The following PACS2 variants were observed in gnomAD, a reference collection of about 807,000 sequenced individuals.
The protein encoded by PACS2 is phosphofurin acidic cluster sorting protein 2, also known as PACS1-like protein.
In PACS2, 36 loss-of-function variants were observed where a neutral mutation model predicts 113.0. The ratio of observed to expected loss-of-function variants is 0.32; its 90% CI spans 0.24 to 0.42. PACS2 has a LOEUF of 0.42. PACS2 is among the 10% of genes least tolerant of loss of function. PACS2 has a pLI of 1.00. For synonymous variants in PACS2, 589 were observed against 536.1 expected (o/e 1.10, Z -1.36); for missense variants, 1,015 against 1,239.5 (o/e 0.82, Z 2.72).
chr14:105,304,994 C>T (rs1233987251), intron 1 of PACS2, among the ~76,000 whole-genome samples: 1 of 152,226 alleles, frequency 6.6e-6, no homozygotes, highest in Non-Finnish European at 1.5e-5. Context: ...GTGTGTTCCC[C>T]CAAAGTCCAT....
At chr14:105,389,821 GGGCAGGGCTGTCC>G in intron 19 of PACS2, 127 bp from the exon 20 acceptor site, 1 of 782,390 alleles carries the variant, frequency 1.3e-6, no homozygotes, top group Non-Finnish European at 2.3e-6. Flanking sequence ...GGGACACACA[GGGCAGGGCTGTCC>G]GGCAGGGCCA....
At chr14:105,344,453 A>G (rs1457652057) in intron 1 of PACS2, among the ~76,000 whole-genome samples, 1 of 152,154 alleles carries the variant, frequency 6.6e-6, no homozygotes, top group Non-Finnish European at 1.5e-5. Context: ...TAATAGTTGT[A>G]GGACTATACC....
intron 8 of PACS2, among the ~76,000 whole-genome samples, chr14:105,374,299 A>C (rs28406946): frequency 0.05 from 7,675 of 152,258 alleles, 645 homozygotes; most frequent in African/African-American, 0.17. Flanking sequence ...CATAAGCAAC[A>C]AAAGGTAAGT....
chr14:105,361,906 G>A lies in PACS2; in HGVS notation c.424-5307G>A, dbSNP rs146676371. 6.0e-3 allele frequency among the ~76,000 whole-genome samples: 912 copies of A among 151,820 alleles called. 38 individuals are homozygous for A. Among genetic ancestry groups the A allele is most frequent in the Admixed American group, 0.051 (782 of 15,240 alleles). On this transcript the variant is annotated intron_variant, in intron 4 of 24. Transcript: ENST00000447393. ...GGAAATTGCAATGAGCCAAGATCAC[G>A]ACATTGCACTCCAGCCTGGGCGCCA...
In PACS2 at chr14:105,394,495, G is replaced by A. The variant is rs1879312730; in HGVS notation, c.2597-59G>A. On this transcript the variant is annotated intron_variant, in intron 24 of 24. Coordinates refer to ENST00000447393, the MANE Select transcript of PACS2 (RefSeq NM_001100913.3). ...CCAGCCTGGTGGGCCAGGCAGGCAG[G>A]TGGATAGGGTGGGCAGGCCGGGCAG... The A allele has an allele frequency of 9.4e-6, 15 of 1,599,518 alleles. No homozygotes were observed. The South Asian group carries it at 1.3e-4, about 14-fold the overall frequency.
At chr14:105,326,630 G>A (rs1049738767) in intron 1 of PACS2, among the ~76,000 whole-genome samples, 6 of 152,224 alleles carry the variant, frequency 3.9e-5, no homozygotes, top group African/African-American at 1.4e-4. Flanking sequence ...CAAGTGTCAG[G>A]TCATGAGGCC....
At chr14:105,309,776 CTTTTTTTTTTT>C (rs928875653), upstream of PACS2, among the ~76,000 whole-genome samples, 1 of 89,210 alleles carries the variant, frequency 1.1e-5, no homozygotes, top group Non-Finnish European at 2.1e-5. This position sits in a 1 kb window ranked among gnomAD's most constrained non-coding sequence, Gnocchi z 4.0. Context: ...TGATGTGTGT[CTTTTTTTTTTT>C]TTTTTTTTTT....
upstream of PACS2, among the ~76,000 whole-genome samples, chr14:105,312,208 G>A (rs1413642844): frequency 1.3e-5 from 2 of 152,260 alleles, no homozygotes; most frequent in Non-Finnish European, 2.9e-5. Flanking sequence ...GGGACCTAGC[G>A]AAGCCAGGCG....
At position 105,352,467 on chromosome 14, in the gene PACS2, G is replaced by A. The variant is rs782661219; in HGVS notation, c.297G>A (p.Gln99=). 8 of 1,595,398 alleles carry A rather than the reference G, an allele frequency of 5.0e-6. No homozygotes were observed. Among genetic ancestry groups the A allele is most frequent in the South Asian group, 1.1e-5 (1 of 90,690 alleles). The stretch of plus-strand genomic sequence containing the variant: ...ACCTGGCCCTGACCTTCTCCTTGCA[G>A]GTGAGTCTTTCACCAGTGGTGACGA... ...ETDLALTFSL[Q]YPHFLKREGN... The change falls in exon 3 of 25, where the codon CAG becomes CAA. Residue 99 remains glutamine (Q), a splice_region_variant and synonymous_variant. Transcript: ENST00000447393.
chr14:105,394,695 C>A lies in PACS2; in HGVS notation c.*23C>A. 1 of 1,463,222 alleles carries A rather than the reference C, an allele frequency of 6.8e-7. No individual in the cohort carries two copies. Among genetic ancestry groups the A allele is most frequent in the South Asian group, 1.1e-5 (1 of 88,168 alleles). 90.6% of individuals were successfully genotyped at this position (1,463,222 alleles called of 1,614,324 possible). The stretch of plus-strand genomic sequence containing the variant: ...TAGCCCCACCCACCAGGGGGCCCAC[C>A]TCCTGCCCCATGCTGTGAGGGGCCC... On this transcript the variant is annotated 3_prime_UTR_variant, in exon 25 of 25. Coordinates refer to ENST00000447393, the MANE Select transcript of PACS2 (RefSeq NM_001100913.3).
intron 1 of PACS2, among the ~76,000 whole-genome samples, chr14:105,303,397 C>G (rs1485854666): frequency 6.6e-6 from 1 of 152,110 alleles, no homozygotes; most frequent in African/African-American, 2.4e-5. Context: ...GTGCCCACCA[C>G]CATGCCTGGC....
In PACS2 at chr14:105,354,751, A is replaced by G. The variant is rs1448474381; in HGVS notation, c.298-301A>G. ...CGAGTGTCCACAGGCGCGCTCGGCC[A>G]TCCCGGACACTGCAGCACATAGTCC... On this transcript the variant is annotated intron_variant, in intron 3 of 24. Transcript: ENST00000447393. The surrounding 1 kb of genome is among the most constrained non-coding windows in gnomAD (Gnocchi z 4.2). Among the ~76,000 whole-genome samples, 2 of 152,218 alleles carry G rather than the reference A, an allele frequency of 1.3e-5. No individual in the cohort carries two copies. The highest frequency in any genetic ancestry group is 4.8e-5 in the African/African-American group (2 of 41,440).
At chr14:105,393,084 C>T (rs2081416002) in intron 23 of PACS2, 138 bp from the exon 24 acceptor site, 2 of 740,220 alleles carry the variant, frequency 2.7e-6, no homozygotes, top group South Asian at 1.5e-5. Flanking sequence ...TCCTCAGTCA[C>T]CGTGGAAGGC....
In PACS2 at chr14:105,360,828, C is replaced by T. The variant is rs886249507; in HGVS notation, c.423+5651C>T. Among the ~76,000 whole-genome samples, 40 of 152,190 alleles carry T rather than the reference C, an allele frequency of 2.6e-4. 1 individual carries two copies. Among genetic ancestry groups the T allele is most frequent in the African/African-American group, 8.4e-4 (35 of 41,442 alleles). On this transcript the variant is annotated intron_variant, in intron 4 of 24. Transcript: ENST00000447393. ...AATTGGGGTCAGTCCTCTCAAACCC[C>T]GTTGCTGCGTTACTAACCGAGACGG...
intron 15 of PACS2, 119 bp from the exon 16 acceptor site, chr14:105,383,240 T>G: frequency 8.5e-7 from 1 of 1,174,042 alleles, no homozygotes; most frequent in Non-Finnish European, 1.3e-6. Context: ...TCCAGGGCAG[T>G]TGTGGCATGA....
In PACS2 at chr14:105,368,162, G is replaced by A. The variant is rs1555408433; in HGVS notation, c.660+15G>A. On this transcript the variant is annotated intron_variant, in intron 6 of 24. Transcript: ENST00000447393. ...TGCAGGGGCAGGTGACCTGGGGCCG[G>A]GGCTCCGCGCCCTCTCCTGGCTCAC... 1 of 1,579,872 alleles carries A rather than the reference G, an allele frequency of 6.3e-7. No homozygotes were observed. The highest frequency in any genetic ancestry group is 8.7e-7 in the Non-Finnish European group (1 of 1,154,910).
At chr14:105,363,081 G>C (rs1555407027) in intron 4 of PACS2, among the ~76,000 whole-genome samples, 2 of 152,182 alleles carry the variant, frequency 1.3e-5, no homozygotes, top group African/African-American at 4.8e-5. Context: ...GCTGTAAACA[G>C]ATGTGCTGTC....
chr14:105,366,166 A>G lies in PACS2; in HGVS notation c.424-1047A>G, dbSNP rs957745951. The stretch of plus-strand genomic sequence containing the variant: ...GGAGTTTGAGACCATCCTGGCCAAC[A>G]TGGTGAAACTGTTTCTACTAAAAAT... On this transcript the variant is annotated intron_variant, in intron 4 of 24. Transcript: ENST00000447393. The surrounding 1 kb of genome is among the most constrained non-coding windows in gnomAD (Gnocchi z 4.3). Among the ~76,000 whole-genome samples, 2 of 142,552 alleles carry G rather than the reference A, an allele frequency of 1.4e-5. No individual in the cohort carries two copies. Among genetic ancestry groups the G allele is most frequent in the Non-Finnish European group, 2.9e-5 (2 of 67,994 alleles). The allele number at this position is 142,552 out of a possible 152,430, so 93.5% of individuals were successfully genotyped here.
At chr14:105,351,364 CCTG>C (rs1369651449) in intron 2 of PACS2, among the ~76,000 whole-genome samples, 4 of 152,230 alleles carry the variant, frequency 2.6e-5, no homozygotes, top group Non-Finnish European at 4.4e-5. Flanking sequence ...TGTGATGTCT[CCTG>C]CTGGCCTGAA....
Sources: gnomAD v4.1 joint callset for allele counts (sites outside exome capture counted in the v4.1 genomes callset) on GRCh38, gnomAD v4.1.1 for gene constraint, Gnocchi (gnomAD v3.1) non-coding constraint, MANE v1.5 for transcripts, NCBI Gene and HGNC (gene_info 2026-07-23, HGNC 2026-07-21) for gene names.